RFTN1: variants seen among roughly 807,000 people sequenced by gnomAD.
RFTN1 encodes the protein raftlin, lipid raft linker 1.
RFTN1 carries 26 observed loss-of-function variants against 46.5 expected under a neutral mutation model. The observed-to-expected ratio is 0.56, with a 90% CI of 0.41 to 0.78. The LOEUF is 0.78. Among genes scored for constraint, RFTN1 ranks in the 30% least tolerant of loss-of-function variants. The pLI is 0.00. For synonymous variants in RFTN1, 261 were observed against 284.2 expected, an observed-to-expected ratio of 0.92 and a Z score of 0.82; for missense variants, 693 against 718.7, an observed-to-expected ratio of 0.96 and a Z score of 0.41.
In RFTN1 at chr3:16,387,964, C is replaced by T. The variant is rs2074246219; in HGVS notation, c.442-9862G>A. Reference sequence around the variant, plus strand: ...CATGCTGGCCTGTATACAGCCCTCACAGCAGCCAGGCTGGTATCTGAAAGA... The same window carrying T: ...CATGCTGGCCTGTATACAGCCCTCATAGCAGCCAGGCTGGTATCTGAAAGA... On this transcript the variant is annotated intron_variant, in intron 4 of 9. Transcript: ENST00000334133. This position sits in a 1 kb window ranked among gnomAD's most constrained non-coding sequence, Gnocchi z 5.2. Among the ~76,000 whole-genome samples, 1 of 151,206 alleles carries T rather than the reference C, an allele frequency of 6.6e-6. No individual in the cohort carries two copies. Among genetic ancestry groups the T allele is most frequent in the Non-Finnish European group, 1.5e-5 (1 of 68,040 alleles).
rs1255517207 is a variant in RFTN1, at chr3:16,344,746, C to T, written c.1146+13186G>A. ...AGCACATCGTTGCCAAGTGCGGCCT[C>T]TCAATCAGTTATACACCACCCATAG... On this transcript the variant is annotated intron_variant, in intron 7 of 9. Transcript: ENST00000334133. This position sits in a 1 kb window ranked among gnomAD's most constrained non-coding sequence, Gnocchi z 4.4. Among the ~76,000 whole-genome samples, 2 of 152,200 alleles carry T rather than the reference C, an allele frequency of 1.3e-5. No individual in the cohort carries two copies. The highest frequency in any genetic ancestry group is 4.8e-5 in the African/African-American group (2 of 41,428).
intron 1 of RFTN1, among the ~76,000 whole-genome samples, chr3:16,503,765 C>T (rs2076753113): frequency 6.6e-6 from 1 of 152,194 alleles, no homozygotes; most frequent in Non-Finnish European, 1.5e-5. Context: ...CAAGCACAGG[C>T]ACCTCCTACA....
chr3:16,377,796 A>G lies in RFTN1; in HGVS notation c.748T>C (p.Ser250Pro). Residue 250 changes from serine to proline, a missense_variant, in exon 5 of 10, where the codon TCA becomes CCA. Coordinates refer to ENST00000334133, the MANE Select transcript of RFTN1 (RefSeq NM_015150.2). ...AGTGTCTTGCTCACCCCCTGTGGTG[A>G]AAGTTCTCCACCATCTCCCTCTCCG... ...PSGEGDGGEL[S>P]PQGVSKTLDG... 1.2e-6 allele frequency: 2 copies of G among 1,614,078 alleles called. No homozygotes were observed. Among genetic ancestry groups the G allele is most frequent in the Non-Finnish European group, 1.7e-6 (2 of 1,179,980 alleles).
rs2075922903 is a variant in RFTN1, at chr3:16,457,166, G to A, written c.146-23129C>T. Among the ~76,000 whole-genome samples, 10 of 152,338 alleles carry A rather than the reference G, an allele frequency of 6.6e-5. No individual in the cohort carries two copies. The South Asian group carries it at 1.9e-3, about 28-fold the overall frequency. On this transcript the variant is annotated intron_variant, in intron 2 of 9. Coordinates refer to ENST00000334133, the MANE Select transcript of RFTN1 (RefSeq NM_015150.2). The surrounding 1 kb of genome is among the most constrained non-coding windows in gnomAD (Gnocchi z 4.2). The stretch of plus-strand genomic sequence containing the variant: ...AGATGACTAACTGCTTCTACGCAGA[G>A]CTGTGCAGCGTTTCTACCAAAGGCC...
intron 3 of RFTN1, among the ~76,000 whole-genome samples, chr3:16,423,596 A>G (rs1250177534): frequency 6.6e-6 from 1 of 152,188 alleles, no homozygotes; most frequent in African/African-American, 2.4e-5. Context: ...AAGATAATAT[A>G]TATCATGAAG....
chr3:16,469,324 G>A (rs959657186), intron 2 of RFTN1, among the ~76,000 whole-genome samples: 10 of 152,182 alleles, frequency 6.6e-5, no homozygotes, highest in African/African-American at 1.9e-4. Context: ...TATGTGAGTC[G>A]GTTGTTGTTA....
intron 5 of RFTN1, among the ~76,000 whole-genome samples, chr3:16,377,225 T>G (rs955333180): frequency 3.3e-5 from 5 of 151,974 alleles, no homozygotes; most frequent in African/African-American, 1.2e-4. Context: ...GAAGGGATGG[T>G]GGGTAAGTCC....
chr3:16,331,099 T>C (rs2070261075), intron 7 of RFTN1, among the ~76,000 whole-genome samples: 1 of 152,228 alleles, frequency 6.6e-6, no homozygotes, highest in Non-Finnish European at 1.5e-5. Flanking sequence ...TCTCCATACC[T>C]GAGAAAAGTG....
Position 16,452,906 on chromosome 3 carries a change from A to T in RFTN1, c.146-18869T>A, listed in dbSNP as rs538845715. Reference sequence around the variant, plus strand: ...TCTCCTTTTTTGAGCAAATGGTTTCAATGTATTTTACAGCAGAAAAAGCCC... The same window carrying T: ...TCTCCTTTTTTGAGCAAATGGTTTCTATGTATTTTACAGCAGAAAAAGCCC... On this transcript the variant is annotated intron_variant, in intron 2 of 9. Transcript: ENST00000334133. The surrounding 1 kb of genome is among the most constrained non-coding windows in gnomAD (Gnocchi z 6.3). Among the ~76,000 whole-genome samples, 30 of 152,334 alleles carry T rather than the reference A, an allele frequency of 2.0e-4. 1 individual carries two copies. In the East Asian group the frequency reaches 5.2e-3, roughly 26 times the overall value.
At position 16,370,442 on chromosome 3, in the gene RFTN1, C is replaced by A. The variant is rs2073449876; in HGVS notation, c.827-163G>T. On this transcript the variant is annotated intron_variant, in intron 5 of 9. Transcript: ENST00000334133. This position sits in a 1 kb window ranked among gnomAD's most constrained non-coding sequence, Gnocchi z 5.5. Reference sequence around the variant, plus strand: ...GTTGCCAGATAATAAAGCCTCATTCCAAGTAATAAGTTGAGGCTGGCTTAA... The same window carrying A: ...GTTGCCAGATAATAAAGCCTCATTCAAAGTAATAAGTTGAGGCTGGCTTAA... 1.3e-5 allele frequency among the ~76,000 whole-genome samples: 2 copies of A among 152,168 alleles called. No individual in the cohort carries two copies. Among genetic ancestry groups the A allele is most frequent in the Non-Finnish European group, 2.9e-5 (2 of 68,034 alleles).
intron 2 of RFTN1, among the ~76,000 whole-genome samples, chr3:16,485,568 C>T (rs527740251): frequency 1.3e-5 from 2 of 152,356 alleles, no homozygotes; most frequent in African/African-American, 4.8e-5. Flanking sequence ...ATTCTATGTA[C>T]ATGTTATTCA....
rs2075273306 is a variant in RFTN1, at chr3:16,425,578, C to T, written c.332+8273G>A. On this transcript the variant is annotated intron_variant, in intron 3 of 9. Coordinates refer to ENST00000334133, the MANE Select transcript of RFTN1 (RefSeq NM_015150.2). The surrounding 1 kb of genome is among the most constrained non-coding windows in gnomAD (Gnocchi z 4.3). ...GCTCTCACACCAACCATGCACGTCT[C>T]CTTCTTGTTCTCTCCACCGGGGTAA... 6.6e-6 allele frequency among the ~76,000 whole-genome samples: 1 copy of T among 152,138 alleles called. No individual in the cohort carries two copies. The highest frequency in any genetic ancestry group is 1.5e-5 in the Non-Finnish European group (1 of 68,024).
At chr3:16,349,388 C>T (rs189974476) in intron 7 of RFTN1, 3 of 152,372 alleles carry the variant, frequency 2.0e-5, no homozygotes, top group Admixed American at 2.0e-4. Context: ...AAGGGGGTAC[C>T]TGAGCCTCCA....
In RFTN1 at chr3:16,489,129, T is replaced by G. The variant is rs1160567977; in HGVS notation, c.145+4596A>C. On this transcript the variant is annotated intron_variant, in intron 2 of 9. Coordinates refer to ENST00000334133, the MANE Select transcript of RFTN1 (RefSeq NM_015150.2). The surrounding 1 kb of genome is among the most constrained non-coding windows in gnomAD (Gnocchi z 4.0). ...ATAACATCCTGGGAAATAAAATCAG[T>G]GATGGAGGCCGGGTGAGGTGGCTCA... is the stretch of plus-strand genomic sequence containing the variant. 1.3e-5 allele frequency among the ~76,000 whole-genome samples: 2 copies of G among 152,010 alleles called. No individual in the cohort carries two copies. Among genetic ancestry groups the G allele is most frequent in the Non-Finnish European group, 2.9e-5 (2 of 68,000 alleles).
rs76658609 is a variant in RFTN1 at position 16,316,629 on chromosome 3, C to T, written c.*199G>A. ...TTCTAACACTGGGTCATTAATGACA[C>T]CTTTCCAGTGGATGTGCAAAAACCA... On this transcript the variant is annotated 3_prime_UTR_variant, in exon 10 of 10. Coordinates refer to ENST00000334133, the MANE Select transcript of RFTN1 (RefSeq NM_015150.2). The surrounding 1 kb of genome is among the most constrained non-coding windows in gnomAD (Gnocchi z 4.5). The T allele has an allele frequency of 1.0e-3, 676 of 672,888 alleles. 3 individuals carry two copies. Among genetic ancestry groups the T allele is most frequent in the African/African-American group, 8.8e-3 (493 of 55,964 alleles). 41.7% of individuals were successfully genotyped at this position (672,888 alleles called of 1,614,324 possible).
chr3:16,377,566 G>A, intron 5 of RFTN1, 152 bp downstream of exon 5: 1 of 1,274,788 alleles, frequency 7.8e-7, no homozygotes, highest in Non-Finnish European at 1.1e-6. Context: ...AGGTGGCACA[G>A]ATAACTGCTT....
intron 4 of RFTN1, 46 bp downstream of exon 4, chr3:16,409,329 G>A (rs984098000): frequency 1.5e-6 from 2 of 1,300,690 alleles, no homozygotes; most frequent in South Asian, 1.2e-5. Flanking sequence ...TCACTCAGGG[G>A]AACACTCGCA....
At chr3:16,454,831 A>G (rs2075877831) in intron 2 of RFTN1, 24 of 968,006 alleles carry the variant, frequency 2.5e-5, no homozygotes, top group Non-Finnish European at 2.9e-5. Context: ...TGTCTTGTTC[A>G]TTTTCTTCTC....
In RFTN1 at chr3:16,346,145, T is replaced by C. The variant is rs181671880; in HGVS notation, c.1146+11787A>G. On this transcript the variant is annotated intron_variant, in intron 7 of 9. Transcript: ENST00000334133. This position sits in a 1 kb window ranked among gnomAD's most constrained non-coding sequence, Gnocchi z 4.4. ...GAAGCTTGACAATGAAGAGGAATTATTGATGAATGTGGAAAGGCCAGGGGG... is the reference window on the plus strand; with the variant it reads ...GAAGCTTGACAATGAAGAGGAATTACTGATGAATGTGGAAAGGCCAGGGGG... The C allele has an allele frequency of 1.1e-4, 17 of 152,280 alleles. No homozygotes were observed. 9.4% of individuals were successfully genotyped at this position (152,280 alleles called of 1,614,324 possible). A position where few individuals can be genotyped will look rare whatever the true frequency, so the allele number is the denominator to read the frequency against.
Sources: allele counts gnomAD v4.1 joint callset (sites outside exome capture counted in the v4.1 genomes callset), GRCh38; gene constraint gnomAD v4.1.1; non-coding constraint Gnocchi (gnomAD v3.1); transcripts MANE v1.5; gene names NCBI Gene and HGNC (gene_info 2026-07-23, HGNC 2026-07-21).